Variants in NSUN3 observed in about 807,000 individuals in gnomAD.
NSUN3 encodes tRNA (cytosine(34)-C(5))-methyltransferase, mitochondrial.
Under a neutral mutation model 36.8 loss-of-function variants are expected in NSUN3, and 24 were observed. That is an observed-to-expected ratio of 0.65 (90% CI 0.47 to 0.92). The LOEUF (loss-of-function observed/expected upper bound fraction) is 0.92. Ranked by LOEUF, NSUN3 falls within the 40% of genes least tolerant of loss-of-function variation. NSUN3 has a pLI of 0.00. For synonymous variants in NSUN3, 146 were observed against 145.2 expected (o/e 1.01, Z -0.04); for missense variants, 381 against 392.8 (o/e 0.97, Z 0.25).
chr3:94,100,769 G>A (rs777278137), intron 5 of NSUN3, among the ~76,000 whole-genome samples: 1 of 151,962 alleles, frequency 6.6e-6, no homozygotes, highest in South Asian at 2.1e-4. Context: ...TTTTAAAAAG[G>A]TATTTATGCC....
Position 94,130,753 on chromosome 3 carries a change from G to A in NSUN3, c.*4263G>A, listed in dbSNP as rs1356399275. Among the ~76,000 whole-genome samples the A allele has an allele frequency of 2.0e-5, 3 of 152,222 alleles. No individual in the cohort carries two copies. Among genetic ancestry groups the A allele is most frequent in the Middle Eastern group, 3.4e-3 (1 of 294 alleles). ...AGTTTGGCCACAGCTGAATGATTGAGAATTACCAGATAAATCCTCCAAATC... is the reference window on the plus strand; with the variant it reads ...AGTTTGGCCACAGCTGAATGATTGAAAATTACCAGATAAATCCTCCAAATC... On this transcript the variant is annotated 3_prime_UTR_variant, in exon 6 of 6. Transcript: ENST00000314622.
At chr3:94,080,873 C>T (rs184278586) in intron 2 of NSUN3, among the ~76,000 whole-genome samples, 1 of 152,244 alleles carries the variant, frequency 6.6e-6, no homozygotes, top group Non-Finnish European at 1.5e-5. Context: ...TGAGCAAGAC[C>T]ACTTGGCTTC....
intron 5 of NSUN3, among the ~76,000 whole-genome samples, chr3:94,116,513 T>G (rs1405843095): frequency 6.6e-6 from 1 of 152,194 alleles, no homozygotes; most frequent in East Asian, 1.9e-4. Flanking sequence ...GCATATAGAC[T>G]GCTTATCAGT....
At chr3:94,119,916 A>G (rs867215618) in intron 5 of NSUN3, among the ~76,000 whole-genome samples, 4 of 152,282 alleles carry the variant, frequency 2.6e-5, no homozygotes, top group South Asian at 2.1e-4. Context: ...TCATTTAGAA[A>G]TTAATGTGGG....
chr3:94,076,313 G>A (rs970090057), intron 2 of NSUN3: 112 of 857,942 alleles, frequency 1.3e-4, no homozygotes, highest in Non-Finnish European at 8.6e-5. Flanking sequence ...CTGATCCTGT[G>A]GCAAGAATGA....
At chr3:94,080,751 C>T (rs1560031477) in intron 2 of NSUN3, among the ~76,000 whole-genome samples, 1 of 152,186 alleles carries the variant, frequency 6.6e-6, no homozygotes, top group Non-Finnish European at 1.5e-5. Flanking sequence ...GACGCCCCTC[C>T]CTCCACCAAG....
At chr3:94,112,059 G>A (rs2077420045) in intron 5 of NSUN3, among the ~76,000 whole-genome samples, 1 of 152,124 alleles carries the variant, frequency 6.6e-6, no homozygotes, top group Admixed American at 6.5e-5. Context: ...CAGGTCAAGT[G>A]CAAAGGCCAT....
At chr3:94,107,269 A>T (rs2107264637) in intron 5 of NSUN3, among the ~76,000 whole-genome samples, 1 of 152,052 alleles carries the variant, frequency 6.6e-6, no homozygotes, top group South Asian at 2.1e-4. Flanking sequence ...AATTAGGCAT[A>T]TATATGTTTT....
intron 5 of NSUN3, among the ~76,000 whole-genome samples, chr3:94,105,885 T>TC (rs1441544812): frequency 6.6e-6 from 1 of 151,520 alleles, no homozygotes; most frequent in Non-Finnish European, 1.5e-5. Context: ...GGCTTTTCTT[T>TC]TTTTTTTTTC....
At chr3:94,063,214 G>A (rs955370611) in intron 1 of NSUN3, 76 bp downstream of exon 1, 2 of 1,432,736 alleles carry the variant, frequency 1.4e-6, no homozygotes, top group Non-Finnish European at 2.0e-6. Context: ...GCGAGGGAGG[G>A]TGCTGGGATG....
intron 1 of NSUN3, chr3:94,063,680 C>T (rs1001042793): frequency 1.3e-5 from 2 of 153,342 alleles, no homozygotes; most frequent in African/African-American, 4.8e-5. Flanking sequence ...TGCAGCTGCT[C>T]CATCATAGCT....
chr3:94,076,950 C>T lies in NSUN3; in HGVS notation c.123-7157C>T, dbSNP rs1296044843. On this transcript the variant is annotated intron_variant, in intron 2 of 5. Coordinates refer to ENST00000314622, the MANE Select transcript of NSUN3 (RefSeq NM_022072.5). ...CTGGCTATAACAAGATGTTTTTGTTCATCCAATGTGTGTGTGTACCCAGGA... is the reference window on the plus strand; with the variant it reads ...CTGGCTATAACAAGATGTTTTTGTTTATCCAATGTGTGTGTGTACCCAGGA... 8 of 1,041,724 alleles carry T rather than the reference C, an allele frequency of 7.7e-6. No individual in the cohort carries two copies. In the African/African-American group the frequency reaches 1.3e-4, roughly 16 times the overall value. 64.5% of individuals were successfully genotyped at this position (1,041,724 alleles called of 1,614,324 possible). A position where few individuals can be genotyped will look rare whatever the true frequency, so the allele number is the denominator to read the frequency against.
chr3:94,064,636 G>A (rs2077196081), intron 2 of NSUN3, 90 bp downstream of exon 2: 1 of 768,710 alleles, frequency 1.3e-6, no homozygotes. Flanking sequence ...GAGGTTAAAA[G>A]GCAAAGGAAT....
At chr3:94,097,554 G>A (rs1045746221) in intron 5 of NSUN3, among the ~76,000 whole-genome samples, 2 of 151,954 alleles carry the variant, frequency 1.3e-5, no homozygotes, top group Non-Finnish European at 2.9e-5. Context: ...TGTCTCATCC[G>A]ACAGGTCTGC....
chr3:94,090,182 C>T (rs1198025649), intron 3 of NSUN3, among the ~76,000 whole-genome samples: 1 of 151,864 alleles, frequency 6.6e-6, no homozygotes, highest in Non-Finnish European at 1.5e-5. Flanking sequence ...GTTAAATATG[C>T]CCCTTTTCCT....
At chr3:94,076,233 C>T in intron 2 of NSUN3, 3 of 919,010 alleles carry the variant, frequency 3.3e-6, no homozygotes, top group South Asian at 2.6e-5. Flanking sequence ...AATATTTCAT[C>T]CATGTGACTC....
chr3:94,106,020 T>C (rs1199503115), intron 5 of NSUN3, among the ~76,000 whole-genome samples: 1 of 152,152 alleles, frequency 6.6e-6, no homozygotes, highest in African/African-American at 2.4e-5. Flanking sequence ...ATCCTTATGT[T>C]CAATTTTAGT....
At chr3:94,069,380 T>G (rs1423808886) in intron 2 of NSUN3, among the ~76,000 whole-genome samples, 1 of 152,222 alleles carries the variant, frequency 6.6e-6, no homozygotes, top group Non-Finnish European at 1.5e-5. Flanking sequence ...AATTGATTTG[T>G]TTTTCATTTC....
At chr3:94,081,904 A>C (rs1407470397) in intron 2 of NSUN3, 1 of 152,242 alleles carries the variant, frequency 6.6e-6, no homozygotes, top group Non-Finnish European at 1.5e-5. Flanking sequence ...TGTATAAATT[A>C]TGTTTAACTG....
Sources: allele counts gnomAD v4.1 joint callset (sites outside exome capture counted in the v4.1 genomes callset), GRCh38; gene constraint gnomAD v4.1.1; transcripts MANE v1.5; gene names NCBI Gene and HGNC (gene_info 2026-07-23, HGNC 2026-07-21).